Variants in GATA2 observed in about 807,000 individuals in gnomAD.
GATA2 encodes GATA binding protein 2.
A neutral mutation model predicts 35.7 loss-of-function variants in GATA2; 6 were observed. The observed-to-expected ratio is 0.17, with a 90% CI of 0.09 to 0.33. The LOEUF is 0.33. GATA2 is among the 10% of genes least tolerant of loss of function. The probability of loss-of-function intolerance (pLI) is 1.00; values close to 1 mark genes in which losing one functional copy is unlikely to be tolerated. For synonymous variants in GATA2, 313 were observed against 274.9 expected, an observed-to-expected ratio of 1.14 and a Z score of -1.37; for missense variants, 541 against 656.6, an observed-to-expected ratio of 0.82 and a Z score of 1.92.
chr3:128,483,077 C>T (rs1174787188), intron 4 of GATA2, among the ~76,000 whole-genome samples: 1 of 152,250 alleles, frequency 6.6e-6, no homozygotes, highest in Non-Finnish European at 1.5e-5. Flanking sequence ...TACCCCCACC[C>T]GGGCCTCACC....
intron 1 of GATA2, chr3:128,489,784 G>A (rs1337200405): frequency 6.6e-6 from 1 of 152,230 alleles, no homozygotes; most frequent in Non-Finnish European, 1.5e-5. Context: ...TTTAGCTTAC[G>A]ATTCTTCATC....
intron 2 of GATA2, 103 bp from the exon 3 acceptor site, chr3:128,486,471 C>T: frequency 7.2e-7 from 1 of 1,382,802 alleles, no homozygotes; most frequent in Non-Finnish European, 9.9e-7. Flanking sequence ...CCAGAACCAG[C>T]AGTCATCCCC....
Position 128,483,878 on chromosome 3 carries a change from G to A in GATA2, c.999C>T (p.Ile333=), listed in dbSNP as rs886072363. The change falls in exon 4 of 6, where the codon ATC becomes ATT. Residue 333 remains isoleucine (I), a synonymous_variant. Coordinates refer to ENST00000341105, the MANE Select transcript of GATA2 (RefSeq NM_032638.5). The stretch of plus-strand genomic sequence containing the variant: ...CTCCTACCAGTCTTCGCTTGGGCTT[G>A]ATGAGTGGTCGGTTCTGCCCATTCA... ...HKMNGQNRPL[I]KPKRRLSAAR... 3.7e-6 allele frequency: 6 copies of A among 1,614,216 alleles called. No individual in the cohort carries two copies. Among genetic ancestry groups the A allele is most frequent in the Middle Eastern group, 1.6e-4 (1 of 6,062 alleles).
rs1180428559 is a variant in GATA2 at position 128,481,028 on chromosome 3, G to A, written c.1434C>T (p.Ala478=). Residue 478 remains alanine, a synonymous_variant, in exon 6 of 6, where the codon GCC becomes GCT. Coordinates refer to ENST00000341105, the MANE Select transcript of GATA2 (RefSeq NM_032638.5). ...GACGTCCATCTGTTCCCTAGCCCAT[G>A]GCGGTCACCATGCTGGACGGGTGGG... is the stretch of plus-strand genomic sequence containing the variant. ...GHPHPSSMVT[A]MG is the part of the protein sequence containing the mutation. The A allele has an allele frequency of 6.3e-7, 1 of 1,576,428 alleles. No individual in the cohort carries two copies. The highest frequency in any genetic ancestry group is 8.6e-7 in the Non-Finnish European group (1 of 1,159,350).
At position 128,491,308 on chromosome 3, in the gene GATA2, G is replaced by A. The variant is rs564869457; in HGVS notation, c.-46+1591C>T. The stretch of plus-strand genomic sequence containing the variant: ...CTCCCTTTGTAACCTAATTCTTCTC[G>A]CCTTTTCCTTATGGGCAGCTAATTG... On this transcript the variant is annotated intron_variant, in intron 1 of 5. Coordinates refer to ENST00000341105, the MANE Select transcript of GATA2 (RefSeq NM_032638.5). 2.3e-3 allele frequency among the ~76,000 whole-genome samples: 345 copies of A among 149,420 alleles called. 3 individuals carry two copies. Among genetic ancestry groups the A allele is most frequent in the African/African-American group, 8.2e-3 (332 of 40,530 alleles).
In GATA2 at chr3:128,488,720, G is replaced by A. The variant is rs1295075670; in HGVS notation, c.-45-1644C>T. Among the ~76,000 whole-genome samples, 1 of 152,134 alleles carries A rather than the reference G, an allele frequency of 6.6e-6. No homozygotes were observed. Among genetic ancestry groups the A allele is most frequent in the Non-Finnish European group, 1.5e-5 (1 of 67,982 alleles). On this transcript the variant is annotated intron_variant, in intron 1 of 5. Transcript: ENST00000341105. This position sits in a 1 kb window ranked among gnomAD's most constrained non-coding sequence, Gnocchi z 5.8. ...TTTTTCCTCCGGGGGGGGTCCCCGAGGTGGCCTCTGGTGAGGGGGAGGCGG... is the reference window on the plus strand; with the variant it reads ...TTTTTCCTCCGGGGGGGGTCCCCGAAGTGGCCTCTGGTGAGGGGGAGGCGG...
At chr3:128,485,648 C>T in intron 3 of GATA2, 79 bp downstream of exon 3, 2 of 1,527,672 alleles carry the variant, frequency 1.3e-6, no homozygotes, top group Non-Finnish European at 1.8e-6. Context: ...AACACTGCCA[C>T]CTCTCCCAAG....
At chr3:128,482,644 C>T (rs1170976276) in intron 4 of GATA2, among the ~76,000 whole-genome samples, 1 of 152,140 alleles carries the variant, frequency 6.6e-6, no homozygotes, top group South Asian at 2.1e-4. Flanking sequence ...CTGATCCCCC[C>T]CATCCAGCCC....
At chr3:128,485,340 G>T (rs1011875513) in intron 3 of GATA2, among the ~76,000 whole-genome samples, 1 of 152,120 alleles carries the variant, frequency 6.6e-6, no homozygotes, top group African/African-American at 2.4e-5. Context: ...GTATACACAT[G>T]CACACACGCT....
Position 128,483,949 on chromosome 3 carries a change from C to A in GATA2, c.928G>T (p.Gly310Cys). The change falls in exon 4 of 6, where the codon GGC becomes TGC. Residue 310 changes from glycine to cysteine, a missense_variant. Gly to Cys is a radical substitution (Grantham distance 159, BLOSUM62 -3). Around this residue, in one of 5 missense-constraint regions of GATA2, gnomAD observed 15 missense variants for 59.5 expected, o/e 0.25. Transcript: ENST00000341105. Reference protein sequence around the residue: ...ATATPLWRRDGTGHYLCNACG... With the variant: ...ATATPLWRRDCTGHYLCNACG... ...GCATTGCACAGGTAGTGGCCGGTGC[C>A]GTCCCGCCGCCAGAGAGGGGTGGCT... is the stretch of plus-strand genomic sequence containing the variant. 1 of 1,614,096 alleles carries A rather than the reference C, an allele frequency of 6.2e-7. No individual in the cohort carries two copies. The highest frequency in any genetic ancestry group is 8.5e-7 in the Non-Finnish European group (1 of 1,180,038).
chr3:128,480,182 T>A lies in GATA2; in HGVS notation c.*837A>T, dbSNP rs780728933. The A allele has an allele frequency of 4.3e-6, 1 of 233,164 alleles. No individual in the cohort carries two copies. The highest frequency in any genetic ancestry group is 2.2e-5 in the African/African-American group (1 of 45,330). 14.4% of individuals were successfully genotyped at this position (233,164 alleles called of 1,614,324 possible). On this transcript the variant is annotated 3_prime_UTR_variant, in exon 6 of 6. Transcript: ENST00000341105. ...CATTTTTTTAATATTTTTTCTTTTG[T>A]CTCAGAGTAGGAGGCGAGGGGGTTG...
rs1321601729 is a variant in GATA2, at chr3:128,493,167, C to T, written c.-314G>A. 4 of 152,186 alleles carry T rather than the reference C, an allele frequency of 2.6e-5. No homozygotes were observed. The highest frequency in any genetic ancestry group is 5.9e-5 in the Non-Finnish European group (4 of 68,032). The allele number at this position is 152,186 out of a possible 1,614,324, so 9.4% of individuals were successfully genotyped here. A position where few individuals can be genotyped will look rare whatever the true frequency, so the allele number is the denominator to read the frequency against. ...GCGAGTCCCGGGGCGACGCTGGCCTCGCTACCTTCCTGGCGCTCACGCTGC... is the reference window on the plus strand; with the variant it reads ...GCGAGTCCCGGGGCGACGCTGGCCTTGCTACCTTCCTGGCGCTCACGCTGC... On this transcript the variant is annotated 5_prime_UTR_variant, in exon 1 of 6. Transcript: ENST00000341105.
intron 2 of GATA2, 98 bp downstream of exon 2, chr3:128,486,705 C>G: frequency 8.2e-7 from 1 of 1,225,312 alleles, no homozygotes; most frequent in Non-Finnish European, 1.2e-6. Flanking sequence ...TCGATTCCTG[C>G]GGATCCTACA....
At chr3:128,481,999 C>G in intron 4 of GATA2, 55 bp from the exon 5 acceptor site, 1 of 1,599,956 alleles carries the variant, frequency 6.3e-7, no homozygotes. Context: ...CCTCGACCCC[C>G]CTCCCTGACC....
In GATA2 at chr3:128,481,247, C is replaced by A. The variant is rs779797858; in HGVS notation, c.1215G>T (p.Lys405Asn). 3.1e-6 allele frequency: 5 copies of A among 1,614,242 alleles called. No homozygotes were observed. The highest frequency in any genetic ancestry group is 3.4e-6 in the Non-Finnish European group (4 of 1,180,042). Residue 405 changes from lysine to asparagine, a missense_variant, in exon 6 of 6, where the codon AAG becomes AAT. This residue lies in a region of GATA2 where 95 missense variants were observed against 114.0 expected (regional missense o/e 0.83). Transcript: ENST00000341105. ...AGCACTCCGCCCCTTTCTTGCTCTTCTTGGACTTGTTGGACATCTTCCGGT... is the reference window on the plus strand; with the variant it reads ...AGCACTCCGCCCCTTTCTTGCTCTTATTGGACTTGTTGGACATCTTCCGGT... The part of the protein sequence containing the change: ...TRNRKMSNKS[K>N]KSKKGAECFE...
chr3:128,484,035 C>T, intron 3 of GATA2, 30 bp from the exon 4 acceptor site: 2 of 1,606,652 alleles, frequency 1.2e-6, no homozygotes, highest in Non-Finnish European at 1.7e-6. Context: ...GACACGGGGG[C>T]CTGCTTAACC....
chr3:128,482,465 C>T (rs2068642480), intron 4 of GATA2, among the ~76,000 whole-genome samples: 1 of 152,202 alleles, frequency 6.6e-6, no homozygotes, highest in Admixed American at 6.5e-5. Context: ...CAGCTGGCCA[C>T]AGGCAGCCAT....
rs372722885 is a variant in GATA2 at position 128,486,990 on chromosome 3, C to G, written c.42G>C (p.Pro14=). 2 of 1,606,960 alleles carry G rather than the reference C, an allele frequency of 1.2e-6. No individual in the cohort carries two copies. The highest frequency in any genetic ancestry group is 8.5e-7 in the Non-Finnish European group (1 of 1,176,808). Residue 14 remains proline, a synonymous_variant, in exon 2 of 6, where the codon CCG becomes CCC. Transcript: ENST00000341105. ...CGGGGTGCTGCGCATTCAGCACGGC[C>G]GGGTGCGCCATCCAGCGCGGCTGCT... ...APEQPRWMAH[P]AVLNAQHPDS...
At chr3:128,491,522 A>G (rs902940484) in intron 1 of GATA2, among the ~76,000 whole-genome samples, 2 of 152,278 alleles carry the variant, frequency 1.3e-5, no homozygotes, top group East Asian at 3.9e-4. Flanking sequence ...AAGCCGGGGC[A>G]TTAGATCTCA....
Sources: allele counts gnomAD v4.1 joint callset (sites outside exome capture counted in the v4.1 genomes callset), GRCh38; gene constraint gnomAD v4.1.1; regional missense constraint gnomAD v4.1.1; non-coding constraint Gnocchi (gnomAD v3.1); transcripts MANE v1.5; gene names NCBI Gene and HGNC (gene_info 2026-07-23, HGNC 2026-07-21).